Variants in KATNA1 observed in about 807,000 individuals in gnomAD.
The protein encoded by KATNA1 is katanin catalytic subunit A1.
Under a neutral mutation model 62.6 loss-of-function variants are expected in KATNA1, and 42 were observed. That is an observed-to-expected ratio of 0.67 (90% confidence interval 0.52 to 0.87). The LOEUF (loss-of-function observed/expected upper bound fraction) is 0.87, where lower values mean the gene tolerates loss of function less well. Ranked by LOEUF, KATNA1 falls within the 40% of genes least tolerant of loss-of-function variation. The probability of loss-of-function intolerance (pLI) is 0.00; values close to 1 mark genes in which losing one functional copy is unlikely to be tolerated. For synonymous variants in KATNA1, 186 were observed against 201.9 expected (o/e 0.92, Z 0.67); for missense variants, 498 against 612.5 (o/e 0.81, Z 1.97).
Position 149,598,293 on chromosome 6 carries a change from G to T in KATNA1, c.946C>A (p.Arg316Ser). 1 of 1,613,774 alleles carries T rather than the reference G, an allele frequency of 6.2e-7. No homozygotes were observed. The highest frequency in any genetic ancestry group is 1.1e-5 in the South Asian group (1 of 91,042). ...TCATGTTCTTCAGAAGTCCCTCGGC[G>T]ACTACAGATGGAGTCTATCTCATCA... ...FIDEIDSICS[R>S]RGTSEEHEAS... Residue 316 changes from arginine (R) to serine (S), a missense_variant, in exon 8 of 11, where the codon CGC becomes AGC. Around this residue, in one of 3 missense-constraint regions of KATNA1, gnomAD observed 267 missense variants for 372.6 expected, o/e 0.72. Coordinates refer to ENST00000367411, the MANE Select transcript of KATNA1 (RefSeq NM_007044.4).
chr6:149,646,768 A>G (rs1780500478), intron 1 of KATNA1, among the ~76,000 whole-genome samples: 2 of 152,244 alleles, frequency 1.3e-5, no homozygotes, highest in Admixed American at 6.5e-5. Flanking sequence ...TAATTATTAA[A>G]ACGTAATTTA....
chr6:149,611,637 A>G (rs959840256), intron 4 of KATNA1, among the ~76,000 whole-genome samples: 2 of 152,182 alleles, frequency 1.3e-5, no homozygotes, highest in African/African-American at 4.8e-5. Flanking sequence ...CAAAAAGGAC[A>G]GAGAACACGT....
Position 149,625,678 on chromosome 6 carries a change from A to C in KATNA1, c.321-2395T>G, listed in dbSNP as rs144124036. On this transcript the variant is annotated intron_variant, in intron 3 of 10. Coordinates refer to ENST00000367411, the MANE Select transcript of KATNA1 (RefSeq NM_007044.4). ...GCTGGGTGCGGTGGCTCACGCCTGTAATTCCAGTACTGTGGGAGGCCGAGG... is the reference window on the plus strand; with the variant it reads ...GCTGGGTGCGGTGGCTCACGCCTGTCATTCCAGTACTGTGGGAGGCCGAGG... 3.6e-3 allele frequency among the ~76,000 whole-genome samples: 552 copies of C among 151,908 alleles called. 3 individuals are homozygous for C. The highest frequency in any genetic ancestry group is 0.013 in the African/African-American group (525 of 41,438).
In KATNA1 at chr6:149,595,118, G is replaced by A. The variant is rs143717160; in HGVS notation, c.1394C>T (p.Ala465Val). 1 of 1,613,968 alleles carries A rather than the reference G, an allele frequency of 6.2e-7. No individual in the cohort carries two copies. The highest frequency in any genetic ancestry group is 8.5e-7 in the Non-Finnish European group (1 of 1,179,926). The change falls in exon 11 of 11, where the codon GCT becomes GTT. Residue 465 changes from alanine (A) to valine (V), a missense_variant. Around this residue, in one of 3 missense-constraint regions of KATNA1, gnomAD observed 267 missense variants for 372.6 expected, o/e 0.72. Transcript: ENST00000367411. ...CACTGACTTAGAAACCTTTTTTAAA[G>A]CCATCTCGAAATCCTCCATAGTTGT... ...MPTTMEDFEM[A>V]LKKVSKSVSA...
At chr6:149,631,122 G>T (rs963600316) in intron 3 of KATNA1, among the ~76,000 whole-genome samples, 1 of 152,148 alleles carries the variant, frequency 6.6e-6, no homozygotes, top group African/African-American at 2.4e-5. Flanking sequence ...CAACCAGGCC[G>T]GGTGTGGTGG....
At chr6:149,626,283 T>C (rs1779602761) in intron 3 of KATNA1, among the ~76,000 whole-genome samples, 1 of 134,330 alleles carries the variant, frequency 7.4e-6, no homozygotes, top group African/African-American at 3.0e-5. Flanking sequence ...ACTATTTATA[T>C]AACATTTACT....
intron 7 of KATNA1, among the ~76,000 whole-genome samples, chr6:149,599,451 T>A (rs1562279243): frequency 6.6e-6 from 1 of 152,146 alleles, no homozygotes; most frequent in Non-Finnish European, 1.5e-5. Context: ...GTCCTGGGTT[T>A]AGCTGGCCCA....
intron 3 of KATNA1, among the ~76,000 whole-genome samples, chr6:149,624,265 A>G (rs1442104413): frequency 6.6e-6 from 1 of 152,182 alleles, no homozygotes; most frequent in African/African-American, 2.4e-5. Flanking sequence ...AGCTCAATCT[A>G]TACCATAATT....
intron 4 of KATNA1, among the ~76,000 whole-genome samples, chr6:149,614,494 A>T (rs746871608): frequency 1.3e-5 from 2 of 152,226 alleles, no homozygotes; most frequent in Non-Finnish European, 2.9e-5. Context: ...TCTGTGAGTC[A>T]CACATGGTTG....
At chr6:149,608,278 AAAG>A (rs897447736) in intron 4 of KATNA1, among the ~76,000 whole-genome samples, 2 of 152,210 alleles carry the variant, frequency 1.3e-5, no homozygotes, top group African/African-American at 4.8e-5. Context: ...TGAAAGGTGC[AAAG>A]AAGCCAGCAG....
intron 4 of KATNA1, among the ~76,000 whole-genome samples, chr6:149,609,507 A>G (rs1456702249): frequency 6.6e-6 from 1 of 151,986 alleles, no homozygotes; most frequent in Non-Finnish European, 1.5e-5. Flanking sequence ...TGGGCAATAA[A>G]ATAAGATCCT....
At chr6:149,598,521 G>C (rs143289542) in intron 7 of KATNA1, among the ~76,000 whole-genome samples, 171 bp from the exon 8 acceptor site, 1 of 151,964 alleles carries the variant, frequency 6.6e-6, no homozygotes, top group Non-Finnish European at 1.5e-5. Context: ...CCAAGAGTTC[G>C]AGACCAGCCT....
At chr6:149,644,777 T>C (rs1210378284) in intron 1 of KATNA1, among the ~76,000 whole-genome samples, 1 of 152,204 alleles carries the variant, frequency 6.6e-6, no homozygotes, top group African/African-American at 2.4e-5. Flanking sequence ...TTTTGAACTC[T>C]TTCTAGTCAG....
intron 1 of KATNA1, among the ~76,000 whole-genome samples, chr6:149,646,843 C>T (rs958660344): frequency 6.6e-6 from 1 of 152,208 alleles, no homozygotes; most frequent in Non-Finnish European, 1.5e-5. Flanking sequence ...GTTATCAACA[C>T]TGACCATATT....
chr6:149,617,937 C>T (rs1300150956), intron 4 of KATNA1, among the ~76,000 whole-genome samples: 2 of 60,820 alleles, frequency 3.3e-5, no homozygotes, highest in African/African-American at 2.0e-4. Flanking sequence ...CTCTTGTCTC[C>T]AAAAATAAAT....
intron 1 of KATNA1, among the ~76,000 whole-genome samples, chr6:149,647,521 CAAAAAAAAAAAAAA>C (rs10719474): frequency 1.5e-4 from 7 of 46,858 alleles, no homozygotes; most frequent in South Asian, 1.0e-3. Flanking sequence ...GACTCCGTCT[CAAAAAAAAAAAAAA>C]AAAAAAAAAA....
At chr6:149,610,128 T>C (rs1452633085) in intron 4 of KATNA1, among the ~76,000 whole-genome samples, 4 of 139,284 alleles carry the variant, frequency 2.9e-5, no homozygotes, top group Non-Finnish European at 6.2e-5. Flanking sequence ...AAATCCTGTC[T>C]CTACAAAATA....
chr6:149,635,883 C>T (rs1258256149), intron 2 of KATNA1, among the ~76,000 whole-genome samples: 2 of 151,312 alleles, frequency 1.3e-5, no homozygotes, highest in East Asian at 2.0e-4. Context: ...GGTGAAACCC[C>T]GTCTCTACTA....
intron 3 of KATNA1, among the ~76,000 whole-genome samples, chr6:149,628,870 A>G (rs1299373301): frequency 6.6e-6 from 1 of 152,100 alleles, no homozygotes; most frequent in Non-Finnish European, 1.5e-5. Context: ...ATGAGTACAA[A>G]TAAAGACTAA....
Sources: allele counts gnomAD v4.1 joint callset (sites outside exome capture counted in the v4.1 genomes callset), GRCh38; gene constraint gnomAD v4.1.1; regional missense constraint gnomAD v4.1.1; transcripts MANE v1.5; gene names NCBI Gene and HGNC (gene_info 2026-07-23, HGNC 2026-07-21).